Variants in HPCAL1 observed in about 807,000 individuals in gnomAD.
HPCAL1 encodes hippocalcin like 1.
HPCAL1 carries 8 observed loss-of-function variants against 17.1 expected under a neutral mutation model. The ratio of observed to expected loss-of-function variants is 0.47; its 90% CI spans 0.27 to 0.84. HPCAL1 has a LOEUF of 0.84. HPCAL1 is among the 40% of genes least tolerant of loss of function. The pLI, the probability that HPCAL1 is intolerant of heterozygous loss-of-function variation, is 0.13. For missense variants in HPCAL1, 165 were observed against 271.1 expected (o/e 0.61, Z 2.75); for synonymous variants, 112 against 111.4 (o/e 1.01, Z -0.03).
chr2:10,399,422 C>A (rs1669376830), intron 2 of HPCAL1, among the ~76,000 whole-genome samples: 1 of 110,980 alleles, frequency 9.0e-6, no homozygotes, highest in Non-Finnish European at 1.9e-5. Flanking sequence ...CCACCACCAC[C>A]ATCACCACCA....
chr2:10,387,048 G>A (rs910668218), intron 1 of HPCAL1, among the ~76,000 whole-genome samples: 2 of 152,198 alleles, frequency 1.3e-5, no homozygotes, highest in Admixed American at 1.3e-4. Flanking sequence ...TGTGTCGCCC[G>A]GGGCAAGTGG....
chr2:10,357,557 C>T (rs976652123), intron 1 of HPCAL1, among the ~76,000 whole-genome samples: 3 of 152,134 alleles, frequency 2.0e-5, no homozygotes, highest in Non-Finnish European at 4.4e-5. Context: ...GCGTTTCCTC[C>T]GCGGAGTGTG....
intron 1 of HPCAL1, among the ~76,000 whole-genome samples, chr2:10,321,136 A>G (rs528764123): frequency 6.6e-6 from 1 of 152,338 alleles, no homozygotes; most frequent in South Asian, 2.1e-4. Context: ...TTGAGAAGCT[A>G]CAATCATGGC....
chr2:10,325,075 C>CA (rs1294928984), intron 1 of HPCAL1, among the ~76,000 whole-genome samples: 2 of 151,720 alleles, frequency 1.3e-5, no homozygotes, highest in East Asian at 3.9e-4. Flanking sequence ...TCAAGTGATC[C>CA]ACCCACCTTG....
chr2:10,314,834 A>T (rs1479476974), intron 1 of HPCAL1, among the ~76,000 whole-genome samples: 1 of 152,212 alleles, frequency 6.6e-6, no homozygotes, highest in Non-Finnish European at 1.5e-5. Flanking sequence ...TGTTTTTTTT[A>T]AATGAATTGC....
intron 1 of HPCAL1, among the ~76,000 whole-genome samples, chr2:10,356,640 C>T (rs1666177038): frequency 6.6e-6 from 1 of 152,186 alleles, no homozygotes; most frequent in Non-Finnish European, 1.5e-5. Context: ...AGGCCCCGTG[C>T]CCCACACACC....
At position 10,401,604 on chromosome 2, in the gene HPCAL1, C is replaced by T. The variant is rs1160149769; in HGVS notation, c.-25+4684C>T. 2.0e-5 allele frequency among the ~76,000 whole-genome samples: 3 copies of T among 152,142 alleles called. No individual in the cohort carries two copies. In the East Asian group the frequency reaches 5.8e-4, roughly 29 times the overall value. The stretch of plus-strand genomic sequence containing the variant: ...TTGTCTGTAAGGAGCGCCTAGATCA[C>T]CCGGACCTTCTCTCTCCCTCCTTGA... On this transcript the variant is annotated intron_variant, in intron 2 of 4. Transcript: ENST00000307845.
chr2:10,376,496 C>CA (rs1166984953), intron 1 of HPCAL1, among the ~76,000 whole-genome samples: 2 of 151,724 alleles, frequency 1.3e-5, no homozygotes, highest in African/African-American at 4.9e-5. Context: ...AGTGCAGTGG[C>CA]ACAATCTCGG....
chr2:10,338,248 T>C lies in HPCAL1; in HGVS notation c.-111+35071T>C, dbSNP rs568196235. ...GGGGGTAATGAAAAGCGTTCTGGAATTAGATAGTGGTGGTGGCTGTAGGAC... is the reference window on the plus strand; with the variant it reads ...GGGGGTAATGAAAAGCGTTCTGGAACTAGATAGTGGTGGTGGCTGTAGGAC... On this transcript the variant is annotated intron_variant, in intron 1 of 4. Coordinates refer to ENST00000307845, the MANE Select transcript of HPCAL1 (RefSeq NM_002149.4). Among the ~76,000 whole-genome samples, 196 of 152,096 alleles carry C rather than the reference T, an allele frequency of 1.3e-3. 1 individual carries two copies. Among genetic ancestry groups the C allele is most frequent in the African/African-American group, 4.5e-3 (186 of 41,490 alleles).
Position 10,420,041 on chromosome 2 carries a change from G to T in HPCAL1, c.284G>T (p.Gly95Val). The change falls in exon 3 of 5, where the codon GGC (glycine) becomes GTC (valine). Residue 95 changes from glycine (G) to valine (V), a missense_variant. By Grantham distance (109) the Gly-to-Val change is moderately radical. Coordinates refer to ENST00000307845, the MANE Select transcript of HPCAL1 (RefSeq NM_002149.4). ...FIIALSVTSR[G>V]KLEQKLKWAF... ...ATTGCGCTGAGCGTGACCTCGCGGG[G>T]CAAGCTGGAGCAGAAGCTCAAGTGG... 6.2e-7 allele frequency: 1 copy of T among 1,613,884 alleles called. No homozygotes were observed.
At chr2:10,422,906 TG>T in intron 3 of HPCAL1, 76 bp from the exon 4 acceptor site, 1 of 1,012,454 alleles carries the variant, frequency 9.9e-7, no homozygotes, top group South Asian at 1.4e-5. Context: ...TGTTGTGGGC[TG>T]GGCGGAAGCC....
intron 1 of HPCAL1, among the ~76,000 whole-genome samples, chr2:10,356,381 A>C (rs1484703439): frequency 6.6e-6 from 1 of 152,068 alleles, no homozygotes; most frequent in African/African-American, 2.4e-5. Flanking sequence ...GGTAGTTTTG[A>C]ACTGGGACTT....
intron 1 of HPCAL1, among the ~76,000 whole-genome samples, chr2:10,373,849 C>A (rs1022905619): frequency 6.6e-6 from 1 of 152,182 alleles, no homozygotes; most frequent in African/African-American, 2.4e-5. Context: ...AAGGATCTTA[C>A]CAAGGTCAAA....
Position 10,384,029 on chromosome 2 carries a change from C to CCCCA in HPCAL1, c.-110-12805_-110-12804insCCAC, listed in dbSNP as rs33913609. ...ATATACATCGCGTACACACACACAC[C>CCCCA]CACACACACACACACCTTTTGCTGG... On this transcript the variant is annotated intron_variant, in intron 1 of 4. Transcript: ENST00000307845. This position sits in a 1 kb window ranked among gnomAD's most constrained non-coding sequence, Gnocchi z 4.4. Among the ~76,000 whole-genome samples, 1 of 149,974 alleles carries CCCCA rather than the reference C, an allele frequency of 6.7e-6. No individual in the cohort carries two copies. The highest frequency in any genetic ancestry group is 6.6e-5 in the Admixed American group (1 of 15,066).
intron 1 of HPCAL1, among the ~76,000 whole-genome samples, chr2:10,325,606 A>G (rs2125409413): frequency 6.6e-6 from 1 of 152,266 alleles, no homozygotes; most frequent in Non-Finnish European, 1.5e-5. Context: ...CAGGCCCTGG[A>G]GGGCGGTTTC....
chr2:10,315,973 C>T (rs6706155), intron 1 of HPCAL1, among the ~76,000 whole-genome samples: 91,036 of 152,056 alleles, frequency 0.6, 27,678 homozygotes, highest in East Asian at 0.81. Flanking sequence ...GGCCACTGCA[C>T]TCCAGCCTGG....
At chr2:10,390,689 T>C (rs553759424) in intron 1 of HPCAL1, among the ~76,000 whole-genome samples, 43 of 152,252 alleles carry the variant, frequency 2.8e-4, no homozygotes, top group South Asian at 2.7e-3. Flanking sequence ...GGCAAGAGGT[T>C]GGATACTGGG....
At chr2:10,340,598 T>A (rs923720776) in intron 1 of HPCAL1, among the ~76,000 whole-genome samples, 2 of 152,188 alleles carry the variant, frequency 1.3e-5, no homozygotes, top group Non-Finnish European at 2.9e-5. Flanking sequence ...GACTGAACTT[T>A]CCAGGGCCAC....
At chr2:10,398,790 G>C (rs1669232490) in intron 2 of HPCAL1, among the ~76,000 whole-genome samples, 1 of 152,156 alleles carries the variant, frequency 6.6e-6, no homozygotes, top group South Asian at 2.1e-4. Context: ...AGTAGCTGCT[G>C]GGTTGGGAGG....
Sources: allele counts gnomAD v4.1 joint callset (sites outside exome capture counted in the v4.1 genomes callset), GRCh38; gene constraint gnomAD v4.1.1; non-coding constraint Gnocchi (gnomAD v3.1); transcripts MANE v1.5; gene names NCBI Gene and HGNC (gene_info 2026-07-23, HGNC 2026-07-21).